DDX47: variants seen among roughly 807,000 people sequenced by gnomAD.
The protein encoded by DDX47 is DEAD-box helicase 47, also known as probable ATP-dependent RNA helicase DDX47.
In DDX47, 60 loss-of-function variants were observed where a neutral mutation model predicts 58.8. The observed-to-expected ratio is 1.02, with a 90% CI of 0.83 to 1.26. DDX47 has a LOEUF of 1.26. DDX47 is among the 50% of genes most tolerant of loss of function. The pLI is 0.00. For synonymous variants in DDX47, 197 were observed against 204.6 expected (o/e 0.96, Z 0.32); for missense variants, 530 against 573.2 (o/e 0.92, Z 0.77).
Position 12,829,485 on chromosome 12 carries a change from C to T in DDX47, c.1299C>T (p.Asp433=), listed in dbSNP as rs762306644. The part of the protein sequence containing the change: ...RSREDAGDND[D]TEGAIGVRNK... ...GAGAGGATGCTGGAGATAATGATGA[C>T]ACAGAGGGTGCTATTGGTGTCAGGA... Residue 433 remains aspartate (D), a synonymous_variant, in exon 12 of 12, where the codon GAC becomes GAT. Coordinates refer to ENST00000358007, the MANE Select transcript of DDX47 (RefSeq NM_016355.4). 2.5e-6 allele frequency: 4 copies of T among 1,613,822 alleles called. No individual in the cohort carries two copies. The South Asian group carries it at 4.4e-5, about 18-fold the overall frequency.
chr12:12,825,318 T>G (rs1373239117), intron 9 of DDX47, among the ~76,000 whole-genome samples: 1 of 152,196 alleles, frequency 6.6e-6, no homozygotes, highest in Non-Finnish European at 1.5e-5. Context: ...TTGGCACTAT[T>G]AACATTTTAA....
chr12:12,827,308 C>T lies in DDX47; in HGVS notation c.1169C>T (p.Pro390Leu), dbSNP rs1041049097. 3 of 1,613,968 alleles carry T rather than the reference C, an allele frequency of 1.9e-6. No individual in the cohort carries two copies. The highest frequency in any genetic ancestry group is 1.7e-5 in the Admixed American group (1 of 59,984). ...HLIGKKLPGF[P>L]TQDDEVMMLT... The stretch of plus-strand genomic sequence containing the variant: ...ATTGGGAAGAAACTACCAGGTTTTC[C>T]AACACAGGATGATGAGGTTATGATG... The change falls in exon 11 of 12, where the codon CCA becomes CTA. Residue 390 changes from proline to leucine, a missense_variant. Transcript: ENST00000358007.
At chr12:12,820,134 T>C (rs1862947610) in intron 2 of DDX47, 1 of 152,230 alleles carries the variant, frequency 6.6e-6, no homozygotes, top group Non-Finnish European at 1.5e-5. Flanking sequence ...CCTCATGGGC[T>C]ACAGCCAGCT....
At position 12,827,283 on chromosome 12, in the gene DDX47, A is replaced by T. The variant is rs758770303; in HGVS notation, c.1144A>T (p.Ile382Phe). Residue 382 changes from isoleucine to phenylalanine, a missense_variant, in exon 11 of 12, where the codon ATT (isoleucine) becomes TTT (phenylalanine). Ile to Phe is a conservative substitution (Grantham distance 21). Transcript: ENST00000358007. Reference protein sequence around the residue: ...VELFQRIEHLIGKKLPGFPTQ... With the variant: ...VELFQRIEHLFGKKLPGFPTQ... ...ACTCTTCCAGCGCATAGAACACTTA[A>T]TTGGGAAGAAACTACCAGGTTTTCC... 1 of 1,614,198 alleles carries T rather than the reference A, an allele frequency of 6.2e-7. No individual in the cohort carries two copies. The highest frequency in any genetic ancestry group is 1.1e-5 in the South Asian group (1 of 91,076).
At chr12:12,814,729 T>G (rs1218590825) in intron 2 of DDX47, 1 of 156,104 alleles carries the variant, frequency 6.4e-6, no homozygotes, top group Non-Finnish European at 1.4e-5. Flanking sequence ...TCGCCCAGGC[T>G]GGAGTGCAGT....
At chr12:12,826,461 T>G (rs1022545038) in intron 10 of DDX47, among the ~76,000 whole-genome samples, 1 of 152,104 alleles carries the variant, frequency 6.6e-6, no homozygotes, top group African/African-American at 2.4e-5. Flanking sequence ...CTTTTTTTTT[T>G]TGTATTTGTC....
intron 11 of DDX47, among the ~76,000 whole-genome samples, chr12:12,829,139 G>A (rs1312400447): frequency 6.6e-6 from 1 of 152,162 alleles, no homozygotes; most frequent in Non-Finnish European, 1.5e-5. Flanking sequence ...CTATAAATGA[G>A]AGTATATGTG....
Position 12,829,548 on chromosome 12 carries a change from C to T in DDX47, c.1362C>T (p.Gly454=), listed in dbSNP as rs1366873735. ...VAGGKMKKRK[G]R ...GAGGAAAAATGAAGAAGCGGAAAGG[C>T]CGTTAATCACTTTTATGAAGGCTCG... The change falls in exon 12 of 12, where the codon GGC becomes GGT. Residue 454 remains glycine (G), a synonymous_variant. Transcript: ENST00000358007. 1.2e-6 allele frequency: 2 copies of T among 1,613,142 alleles called. No individual in the cohort carries two copies. Among genetic ancestry groups the T allele is most frequent in the East Asian group, 4.5e-5 (2 of 44,836 alleles).
chr12:12,814,049 T>C, intron 1 of DDX47, 82 bp from the exon 2 acceptor site: 2 of 857,894 alleles, frequency 2.3e-6, no homozygotes, highest in Non-Finnish European at 4.1e-6. Flanking sequence ...TGGTTGTACA[T>C]GATGGGTCTG....
At chr12:12,818,795 G>A (rs983297736) in intron 2 of DDX47, among the ~76,000 whole-genome samples, 5 of 152,146 alleles carry the variant, frequency 3.3e-5, no homozygotes, top group African/African-American at 1.2e-4. Context: ...CGTGGTGGCG[G>A]CAAGAGAAAA....
At chr12:12,818,549 G>T (rs1159685734) in intron 2 of DDX47, among the ~76,000 whole-genome samples, 1 of 152,006 alleles carries the variant, frequency 6.6e-6, no homozygotes, top group Non-Finnish European at 1.5e-5. Flanking sequence ...CCCATTGTCT[G>T]GTTTGACTTG....
Position 12,829,564 on chromosome 12 carries a change from T to A in DDX47, c.*10T>A. ...GCGGAAAGGCCGTTAATCACTTTTATGAAGGCTCGAGTTCTGCTGTTCTGT... is the reference window on the plus strand; with the variant it reads ...GCGGAAAGGCCGTTAATCACTTTTAAGAAGGCTCGAGTTCTGCTGTTCTGT... On this transcript the variant is annotated 3_prime_UTR_variant, in exon 12 of 12. Coordinates refer to ENST00000358007, the MANE Select transcript of DDX47 (RefSeq NM_016355.4). 1.2e-6 allele frequency: 2 copies of A among 1,612,892 alleles called. No homozygotes were observed. Among genetic ancestry groups the A allele is most frequent in the Non-Finnish European group, 1.7e-6 (2 of 1,179,598 alleles).
intron 11 of DDX47, among the ~76,000 whole-genome samples, chr12:12,828,629 G>A (rs374191306): frequency 5.9e-5 from 9 of 152,142 alleles, no homozygotes; most frequent in African/African-American, 2.2e-4. Context: ...TAGCTGAGGT[G>A]CACATTTGGT....
intron 6 of DDX47, 118 bp from the exon 7 acceptor site, chr12:12,823,085 C>T (rs984822171): frequency 5.2e-5 from 38 of 736,934 alleles, no homozygotes; most frequent in African/African-American, 4.4e-4. Context: ...AGGTCCCTCC[C>T]GTGACATGTG....
intron 2 of DDX47, among the ~76,000 whole-genome samples, chr12:12,819,700 G>A (rs1410441388): frequency 6.6e-6 from 1 of 152,144 alleles, no homozygotes; most frequent in Admixed American, 6.5e-5. Context: ...AGTTCCCTGT[G>A]TGGAAACCAA....
At chr12:12,818,162 A>C (rs115755205) in intron 2 of DDX47, among the ~76,000 whole-genome samples, 1 of 152,196 alleles carries the variant, frequency 6.6e-6, no homozygotes, top group Non-Finnish European at 1.5e-5. Context: ...CACTGGGAAC[A>C]TTAAAATAAG....
intron 9 of DDX47, 88 bp downstream of exon 9, chr12:12,824,765 T>C: frequency 7.0e-7 from 1 of 1,424,974 alleles, no homozygotes; most frequent in South Asian, 1.3e-5. Context: ...ACAGCAGTTA[T>C]TTTGTTCCTG....
At chr12:12,815,047 AGGATTAG>A (rs1314437890) in intron 2 of DDX47, among the ~76,000 whole-genome samples, 5 of 152,288 alleles carry the variant, frequency 3.3e-5, no homozygotes, top group African/African-American at 1.2e-4. Context: ...CCAACTTTAC[AGGATTAG>A]GGTGGGTGAT....
At chr12:12,813,493 G>C (rs1050190400) in intron 1 of DDX47, 39 bp downstream of exon 1, 17 of 1,552,884 alleles carry the variant, frequency 1.1e-5, no homozygotes, top group African/African-American at 1.4e-5. Flanking sequence ...ATGTACTCTG[G>C]TGCTAGGCTC....
Sources: gnomAD v4.1 joint callset for allele counts (sites outside exome capture counted in the v4.1 genomes callset) on GRCh38, gnomAD v4.1.1 for gene constraint, MANE v1.5 for transcripts, NCBI Gene and HGNC (gene_info 2026-07-23, HGNC 2026-07-21) for gene names.